The following SLC6A20 variants were observed in gnomAD, a reference collection of about 807,000 sequenced individuals.
SLC6A20 encodes the protein sodium- and chloride-dependent transporter XTRP3.
SLC6A20 carries 73 observed loss-of-function variants against 64.3 expected under a neutral mutation model. The ratio of observed to expected loss-of-function variants is 1.14; its 90% CI spans 0.94 to 1.38. The LOEUF is 1.38. Ranked by LOEUF, SLC6A20 falls within the 40% of genes most tolerant of loss-of-function variation. SLC6A20 has a pLI of 0.00. For synonymous variants in SLC6A20, 347 were observed against 329.6 expected (o/e 1.05, Z -0.57); for missense variants, 725 against 772.8 (o/e 0.94, Z 0.73).
chr3:45,773,988 C>A (rs1699922283), intron 4 of SLC6A20, among the ~76,000 whole-genome samples: 1 of 152,230 alleles, frequency 6.6e-6, no homozygotes, highest in Non-Finnish European at 1.5e-5. Flanking sequence ...TCCCTCCTTC[C>A]CCCAAGGTGA....
intron 7 of SLC6A20, among the ~76,000 whole-genome samples, chr3:45,766,933 T>C (rs1480809658): frequency 1.3e-5 from 2 of 152,086 alleles, no homozygotes; most frequent in African/African-American, 2.4e-5. Flanking sequence ...AGCTCAGGAG[T>C]TTGAGATCAG....
intron 3 of SLC6A20, among the ~76,000 whole-genome samples, chr3:45,777,311 C>T (rs534305331): frequency 1.3e-5 from 2 of 151,240 alleles, no homozygotes; most frequent in African/African-American, 2.4e-5. Flanking sequence ...GACCTCCACG[C>T]CCACCCCTGC....
chr3:45,777,938 T>C (rs968010934), intron 3 of SLC6A20, among the ~76,000 whole-genome samples: 6 of 152,120 alleles, frequency 3.9e-5, no homozygotes, highest in African/African-American at 2.4e-5. Flanking sequence ...GGCCTGGTCA[T>C]TGGATTTTTC....
chr3:45,788,503 A>G (rs2159272), intron 1 of SLC6A20, among the ~76,000 whole-genome samples: 81,907 of 152,010 alleles, frequency 0.54, 23,193 homozygotes, highest in African/African-American at 0.69. Flanking sequence ...CATTGAAAGC[A>G]CTCACTAGTC....
chr3:45,781,968 T>TC (rs1401690198), intron 2 of SLC6A20, 115 bp downstream of exon 2: 8 of 1,333,608 alleles, frequency 6.0e-6, no homozygotes, highest in Non-Finnish European at 7.8e-6. Flanking sequence ...GCAAGAGCTC[T>TC]CTCTTGGGCC....
chr3:45,780,894 TA>T (rs1484919752), intron 2 of SLC6A20, among the ~76,000 whole-genome samples: 4 of 152,214 alleles, frequency 2.6e-5, no homozygotes, highest in Non-Finnish European at 4.4e-5. Context: ...CACTGGTTGT[TA>T]AATATTCACC....
chr3:45,790,180 C>G (rs939760643), intron 1 of SLC6A20: 1 of 152,084 alleles, frequency 6.6e-6, no homozygotes, highest in Non-Finnish European at 1.5e-5. Context: ...TCTTTCTCTC[C>G]CTCCACTTAC....
chr3:45,776,246 A>G (rs966241461), intron 3 of SLC6A20, among the ~76,000 whole-genome samples: 1 of 151,740 alleles, frequency 6.6e-6, no homozygotes, highest in Non-Finnish European at 1.5e-5. Flanking sequence ...GGACTACTGA[A>G]CTCTGTGGTG....
At position 45,775,938 on chromosome 3, in the gene SLC6A20, G is replaced by A. The variant is rs779812897; in HGVS notation, c.405C>T (p.Tyr135=). The A allele has an allele frequency of 1.9e-5, 30 of 1,614,180 alleles. 1 individual carries two copies. The highest frequency in any genetic ancestry group is 1.8e-4 in the South Asian group (16 of 91,086). ...AGGACGCCTTCTCACACTCCTCATCGTAGCCCGTGTGGTTACCATTCAGTG... is the reference window on the plus strand; with the variant it reads ...AGGACGCCTTCTCACACTCCTCATCATAGCCCGTGTGGTTACCATTCAGTG... ...VCPLNGNHTG[Y]DEECEKASST... The change falls in exon 4 of 11, where the codon TAC becomes TAT. Residue 135 remains tyrosine, a synonymous_variant. Transcript: ENST00000358525.
At chr3:45,772,711 C>T (rs916431785) in intron 4 of SLC6A20, 96 bp from the exon 5 acceptor site, 5 of 937,720 alleles carry the variant, frequency 5.3e-6, no homozygotes, top group Admixed American at 5.0e-5. Flanking sequence ...GGTATTCAGG[C>T]TGCACCGCCC....
chr3:45,775,920 C>T lies in SLC6A20; in HGVS notation c.423G>A (p.Lys141=). Residue 141 remains lysine, a synonymous_variant, in exon 4 of 11, where the codon AAG becomes AAA. Transcript: ENST00000358525. Reference sequence around the variant, plus strand: ...ACCAGAAGTACTGTGTGGAGGACGCCTTCTCACACTCCTCATCGTAGCCCG... The same window carrying T: ...ACCAGAAGTACTGTGTGGAGGACGCTTTCTCACACTCCTCATCGTAGCCCG... ...NHTGYDEECE[K]ASSTQYFWYR... 6 of 1,614,224 alleles carry T rather than the reference C, an allele frequency of 3.7e-6. No individual in the cohort carries two copies. The highest frequency in any genetic ancestry group is 5.1e-6 in the Non-Finnish European group (6 of 1,180,040).
Position 45,758,874 on chromosome 3 carries a change from T to C in SLC6A20, c.*104A>G, listed in dbSNP as rs1251002030. The C allele has an allele frequency of 7.0e-7, 1 of 1,424,810 alleles. No individual in the cohort carries two copies. The highest frequency in any genetic ancestry group is 2.9e-5 in the Admixed American group (1 of 34,922). The allele number at this position is 1,424,810 out of a possible 1,614,324, so 88.3% of individuals were successfully genotyped here. A position where few individuals can be genotyped will look rare whatever the true frequency, so the allele number is the denominator to read the frequency against. On this transcript the variant is annotated 3_prime_UTR_variant, in exon 11 of 11. Coordinates refer to ENST00000358525, the MANE Select transcript of SLC6A20 (RefSeq NM_020208.4). Reference sequence around the variant, plus strand: ...CATCTTCTTTAGACACTCAGGAAGTTGATGGGCTGAGCACTCCTGGCTTAA... The same window carrying C: ...CATCTTCTTTAGACACTCAGGAAGTCGATGGGCTGAGCACTCCTGGCTTAA...
rs559824154 is a variant in SLC6A20, at chr3:45,780,417, C to T, written c.263-317G>A. On this transcript the variant is annotated intron_variant, in intron 2 of 10. Transcript: ENST00000358525. ...TTGGTCCTTACAACAGTATTATCTT[C>T]ATATCGCAGAAGAGAAAACTGAGGC... Among the ~76,000 whole-genome samples, 9 of 152,342 alleles carry T rather than the reference C, an allele frequency of 5.9e-5. No homozygotes were observed. The South Asian group carries it at 8.3e-4, about 14-fold the overall frequency.
chr3:45,793,312 G>A (rs73830463), intron 1 of SLC6A20, among the ~76,000 whole-genome samples: 1,774 of 152,112 alleles, frequency 0.012, 31 homozygotes, highest in African/African-American at 0.039. Context: ...TGTTTCTTCC[G>A]TGCACAGGTT....
chr3:45,765,572 A>C lies in SLC6A20; in HGVS notation c.1268T>G (p.Ile423Ser). The C allele has an allele frequency of 3.1e-6, 5 of 1,613,904 alleles. No individual in the cohort carries two copies. The highest frequency in any genetic ancestry group is 4.2e-6 in the Non-Finnish European group (5 of 1,179,964). The change falls in exon 8 of 11, where the codon ATC becomes AGC. Residue 423 changes from isoleucine to serine, a missense_variant. Transcript: ENST00000358525. The surrounding 1 kb of genome is among the most constrained non-coding windows in gnomAD (Gnocchi z 4.2). ...AILTPLTDSK[I>S]ISSHLPKEAI... ...CTCCTTGGGCAGGTGGCTGGAGATG[A>C]TCTTGCTGTCTGTCAGAGGGGTGAG... is the stretch of plus-strand genomic sequence containing the variant.
intron 7 of SLC6A20, among the ~76,000 whole-genome samples, chr3:45,769,530 ATTG>A (rs1011508854): frequency 1.5e-5 from 2 of 129,378 alleles, no homozygotes; most frequent in South Asian, 2.6e-4. Context: ...AAATTGCAGT[ATTG>A]TTGTGTGATG....
At chr3:45,780,609 T>C (rs971483608) in intron 2 of SLC6A20, among the ~76,000 whole-genome samples, 1 of 151,676 alleles carries the variant, frequency 6.6e-6, no homozygotes, top group African/African-American at 2.4e-5. Context: ...GGAGAGGGGG[T>C]GTGAGGAGGC....
intron 1 of SLC6A20, among the ~76,000 whole-genome samples, chr3:45,791,226 C>T (rs1559573402): frequency 6.6e-6 from 1 of 152,192 alleles, no homozygotes. Context: ...TGAATATTTA[C>T]TGAATGACTT....
In SLC6A20 at chr3:45,775,853, C is replaced by T. The variant is rs745541068; in HGVS notation, c.490G>A (p.Gly164Arg). 95 of 1,614,080 alleles carry T rather than the reference C, an allele frequency of 5.9e-5. No individual in the cohort carries two copies. In the Admixed American group the frequency reaches 1.2e-3, roughly 20 times the overall value. ...LNISPSLQEN[G>R]GVQWEPALCL... is the part of the protein sequence containing the mutation. ...AGCGCCGGCTCCCACTGCACACCCC[C>T]GTTCTCCTGGAGGGACGGCGAGATA... Residue 164 changes from glycine to arginine, a missense_variant, in exon 4 of 11, where the codon GGG becomes AGG. Physicochemically the swap from Gly to Arg is moderately radical, Grantham distance 125. Coordinates refer to ENST00000358525, the MANE Select transcript of SLC6A20 (RefSeq NM_020208.4).
Sources: allele counts gnomAD v4.1 joint callset (sites outside exome capture counted in the v4.1 genomes callset), GRCh38; gene constraint gnomAD v4.1.1; non-coding constraint Gnocchi (gnomAD v3.1); transcripts MANE v1.5; gene names NCBI Gene and HGNC (gene_info 2026-07-23, HGNC 2026-07-21).